The following ADGRB3 variants were observed in gnomAD, a reference collection of about 807,000 sequenced individuals.
ADGRB3 encodes brain-specific angiogenesis inhibitor 3.
ADGRB3 carries 37 observed loss-of-function variants against 193.4 expected under a neutral mutation model. The observed-to-expected ratio is 0.19, with a 90% confidence interval of 0.15 to 0.25. The LOEUF is 0.25. Among genes scored for constraint, ADGRB3 ranks in the 10% least tolerant of loss-of-function variants. The pLI is 1.00. For synonymous variants in ADGRB3, 690 were observed against 644.2 expected (o/e 1.07, Z -1.08); for missense variants, 1,637 against 1,852.9 (o/e 0.88, Z 2.14).
chr6:69,316,347 A>G (rs529649443), intron 20 of ADGRB3, among the ~76,000 whole-genome samples: 1 of 151,654 alleles, frequency 6.6e-6, no homozygotes, highest in East Asian at 1.9e-4. Context: ...GACTGATGGA[A>G]AATAGGAAAC....
At chr6:69,127,777 G>C (rs1773893310) in intron 17 of ADGRB3, among the ~76,000 whole-genome samples, 1 of 152,080 alleles carries the variant, frequency 6.6e-6, no homozygotes, top group Non-Finnish European at 1.5e-5. Context: ...AGAACAACTT[G>C]GGTGCAAGAT....
At chr6:68,936,087 T>TA (rs1767478856) in intron 4 of ADGRB3, among the ~76,000 whole-genome samples, 1 of 152,148 alleles carries the variant, frequency 6.6e-6, no homozygotes, top group Non-Finnish European at 1.5e-5. Flanking sequence ...GAAAGGGTGT[T>TA]ATGCAATAAA....
At chr6:68,661,385 ATATATG>A (rs1768634527) in intron 3 of ADGRB3, among the ~76,000 whole-genome samples, 1 of 98,416 alleles carries the variant, frequency 1.0e-5, no homozygotes, top group African/African-American at 6.0e-5. Flanking sequence ...GTATACATAT[ATATATG>A]TGTGTATACA....
rs556908343 is a variant in ADGRB3, at chr6:69,351,163, G to A, written c.3460-3070G>A. 1.4e-4 allele frequency among the ~76,000 whole-genome samples: 21 copies of A among 148,756 alleles called. 1 individual carries two copies. In the South Asian group the frequency reaches 4.2e-3, roughly 30 times the overall value. ...GGCTGGAGTACAATGGCACAATCTC[G>A]GCTCACTGCAACCTTCGCCTCCCGA... is the stretch of plus-strand genomic sequence containing the variant. On this transcript the variant is annotated intron_variant, in intron 26 of 31. Coordinates refer to ENST00000370598, the MANE Select transcript of ADGRB3 (RefSeq NM_001704.3).
At chr6:68,993,517 T>C (rs1164798197) in intron 10 of ADGRB3, among the ~76,000 whole-genome samples, 1 of 152,186 alleles carries the variant, frequency 6.6e-6, no homozygotes, top group Non-Finnish European at 1.5e-5. Context: ...ATGTGTTGAA[T>C]TGTGTGTTCT....
At chr6:68,913,322 G>T (rs889635152) in intron 3 of ADGRB3, among the ~76,000 whole-genome samples, 1 of 152,108 alleles carries the variant, frequency 6.6e-6, no homozygotes, top group Admixed American at 6.5e-5. Context: ...CACCTCACAC[G>T]GCCGGGTACT....
At chr6:69,296,376 C>T (rs886790669) in intron 20 of ADGRB3, among the ~76,000 whole-genome samples, 2 of 152,082 alleles carry the variant, frequency 1.3e-5, no homozygotes, top group African/African-American at 4.8e-5. Context: ...ATTATTTTTA[C>T]TCATTTTATC....
At chr6:69,148,390 T>C (rs1774568029) in intron 17 of ADGRB3, among the ~76,000 whole-genome samples, 1 of 152,148 alleles carries the variant, frequency 6.6e-6, no homozygotes, top group South Asian at 2.1e-4. Context: ...TGCATAAACA[T>C]ACAAACTAAC....
At position 69,358,722 on chromosome 6, in the gene ADGRB3, G is replaced by C. The variant is rs554760558; in HGVS notation, c.3596-2147G>C. On this transcript the variant is annotated intron_variant, in intron 28 of 31. Coordinates refer to ENST00000370598, the MANE Select transcript of ADGRB3 (RefSeq NM_001704.3). ...TTGCTTTATATTTTGTTTGAAGTTT[G>C]TGTTTCACTACTTGATTAGTTTCTC... Among the ~76,000 whole-genome samples, 9 of 151,838 alleles carry C rather than the reference G, an allele frequency of 5.9e-5. No individual in the cohort carries two copies. In the East Asian group the frequency reaches 9.7e-4, roughly 16 times the overall value.
intron 26 of ADGRB3, among the ~76,000 whole-genome samples, chr6:69,353,845 C>G (rs1769279568): frequency 6.6e-6 from 1 of 152,134 alleles, no homozygotes; most frequent in Admixed American, 6.5e-5. Flanking sequence ...GGGCAGATCA[C>G]CTGAGGTCAG....
chr6:68,921,226 A>G (rs549056121), intron 3 of ADGRB3, among the ~76,000 whole-genome samples: 2 of 152,332 alleles, frequency 1.3e-5, no homozygotes, highest in South Asian at 4.1e-4. Context: ...AGAGGGTCAG[A>G]TGGGATTTTT....
chr6:69,084,251 A>G (rs959763374), intron 17 of ADGRB3, among the ~76,000 whole-genome samples: 3 of 152,202 alleles, frequency 2.0e-5, no homozygotes, highest in African/African-American at 7.2e-5. Flanking sequence ...GATATAAACT[A>G]TGACATGAAA....
intron 17 of ADGRB3, among the ~76,000 whole-genome samples, chr6:69,110,204 C>A (rs1773331985): frequency 6.6e-6 from 1 of 151,948 alleles, no homozygotes; most frequent in Non-Finnish European, 1.5e-5. Flanking sequence ...CCTCAGTGTC[C>A]CAAAGTGCTG....
At chr6:68,885,605 A>C (rs1212157024) in intron 3 of ADGRB3, among the ~76,000 whole-genome samples, 5 of 152,192 alleles carry the variant, frequency 3.3e-5, no homozygotes, top group Non-Finnish European at 7.4e-5. Flanking sequence ...TTGTATGTAG[A>C]TTCTTAAAGT....
intron 11 of ADGRB3, among the ~76,000 whole-genome samples, chr6:69,001,103 T>G (rs2150278933): frequency 6.6e-6 from 1 of 152,326 alleles, no homozygotes; most frequent in Admixed American, 6.5e-5. Context: ...CATGTTCCAC[T>G]TCTATGAATT....
intron 20 of ADGRB3, among the ~76,000 whole-genome samples, chr6:69,245,235 A>G (rs368580322): frequency 6.6e-6 from 1 of 151,948 alleles, no homozygotes; most frequent in East Asian, 1.9e-4. Context: ...AGTATTATCA[A>G]TCCCATTCTC....
intron 3 of ADGRB3, among the ~76,000 whole-genome samples, chr6:68,795,958 C>G (rs557499365): frequency 1.3e-5 from 2 of 151,964 alleles, no homozygotes. Flanking sequence ...ATCTTAGACT[C>G]GTAAAATTTC....
chr6:69,200,220 G>T (rs1765391129), intron 17 of ADGRB3, among the ~76,000 whole-genome samples: 1 of 151,848 alleles, frequency 6.6e-6, no homozygotes, highest in Non-Finnish European at 1.5e-5. Flanking sequence ...AAATGAGAGA[G>T]AAAAGCTGAA....
At chr6:69,356,961 G>T (rs558068954) in intron 28 of ADGRB3, among the ~76,000 whole-genome samples, 1 of 152,116 alleles carries the variant, frequency 6.6e-6, no homozygotes, top group South Asian at 2.1e-4. Context: ...TTTATTTGTT[G>T]ATCTTGGTGC....
Sources: allele counts gnomAD v4.1 joint callset (sites outside exome capture counted in the v4.1 genomes callset), GRCh38; gene constraint gnomAD v4.1.1; transcripts MANE v1.5; gene names NCBI Gene and HGNC (gene_info 2026-07-23, HGNC 2026-07-21).